The following ARHGAP26 variants were observed in gnomAD, a reference collection of about 807,000 sequenced individuals.
ARHGAP26 encodes the protein rho GTPase-activating protein 26.
In ARHGAP26, 38 loss-of-function variants were observed where a neutral mutation model predicts 104.8. The ratio of observed to expected loss-of-function variants is 0.36; its 90% CI spans 0.28 to 0.48. The LOEUF is 0.48. Ranked by LOEUF, ARHGAP26 falls within the 20% of genes least tolerant of loss-of-function variation. The pLI is 0.99. For missense variants in ARHGAP26, 704 were observed against 947.9 expected (o/e 0.74, Z 3.38); for synonymous variants, 341 against 340.0 (o/e 1.00, Z -0.03).
intron 6 of ARHGAP26, among the ~76,000 whole-genome samples, chr5:142,894,868 A>G (rs1239448742): frequency 6.6e-6 from 1 of 152,244 alleles, no homozygotes; most frequent in African/African-American, 2.4e-5. Context: ...GATTTGTTAT[A>G]AACAGAACAG....
chr5:143,180,293 T>A (rs1409025048), intron 20 of ARHGAP26, among the ~76,000 whole-genome samples: 2 of 151,964 alleles, frequency 1.3e-5, no homozygotes, highest in Non-Finnish European at 2.9e-5. Context: ...ACCCAGCTAA[T>A]TTTTGTATTT....
chr5:143,105,299 C>A (rs1458041824), intron 17 of ARHGAP26, among the ~76,000 whole-genome samples: 1 of 152,028 alleles, frequency 6.6e-6, no homozygotes, highest in East Asian at 1.9e-4. Context: ...ATCGCTTGAA[C>A]CCGGGAGGCG....
chr5:143,118,384 C>T (rs1015791057), intron 17 of ARHGAP26, among the ~76,000 whole-genome samples: 6 of 152,100 alleles, frequency 3.9e-5, no homozygotes, highest in Admixed American at 3.9e-4. Flanking sequence ...TCACTCTGCC[C>T]AGACACCCAG....
At chr5:143,134,242 C>A in intron 19 of ARHGAP26, 137 bp downstream of exon 19, 1 of 1,025,210 alleles carries the variant, frequency 9.8e-7, no homozygotes, top group Non-Finnish European at 1.3e-6. Flanking sequence ...TCATTGTGCC[C>A]TCCCAAGTGC....
intron 20 of ARHGAP26, among the ~76,000 whole-genome samples, chr5:143,173,419 G>A (rs530032149): frequency 6.6e-6 from 1 of 152,188 alleles, no homozygotes; most frequent in Non-Finnish European, 1.5e-5. Context: ...AGTCAGGAGA[G>A]CGGAAAATCA....
intron 19 of ARHGAP26, among the ~76,000 whole-genome samples, chr5:143,146,718 G>A (rs1799201996): frequency 6.6e-6 from 1 of 152,226 alleles, no homozygotes; most frequent in Admixed American, 6.5e-5. Flanking sequence ...TTAGACTGGT[G>A]GAGTCGTAAG....
chr5:142,890,649 A>G (rs552679382), intron 5 of ARHGAP26, among the ~76,000 whole-genome samples: 250 of 152,290 alleles, frequency 1.6e-3, no homozygotes, highest in Admixed American at 2.6e-3. Flanking sequence ...GTAGTAGCCC[A>G]GAGATGATGT....
At chr5:143,136,821 A>G (rs1228616117) in intron 19 of ARHGAP26, among the ~76,000 whole-genome samples, 1 of 152,224 alleles carries the variant, frequency 6.6e-6, no homozygotes, top group Non-Finnish European at 1.5e-5. Context: ...TTATCCTAGC[A>G]CTTTGCTGAA....
intron 11 of ARHGAP26, among the ~76,000 whole-genome samples, chr5:142,994,740 G>C (rs114107301): frequency 6.6e-6 from 1 of 152,150 alleles, no homozygotes; most frequent in Non-Finnish European, 1.5e-5. Flanking sequence ...AATGATTATT[G>C]GCTGCTGTTT....
At chr5:143,087,132 A>C (rs1434712882) in intron 17 of ARHGAP26, among the ~76,000 whole-genome samples, 1 of 152,212 alleles carries the variant, frequency 6.6e-6, no homozygotes, top group Non-Finnish European at 1.5e-5. Flanking sequence ...TTCAGAGTGT[A>C]GTCACTACCT....
rs571817873 is a variant in ARHGAP26 at position 142,931,322 on chromosome 5, C to T, written c.1029-725C>T. 7.9e-5 allele frequency among the ~76,000 whole-genome samples: 12 copies of T among 152,266 alleles called. No individual in the cohort carries two copies. In the East Asian group the frequency reaches 2.1e-3, roughly 27 times the overall value. On this transcript the variant is annotated intron_variant, in intron 10 of 22. Transcript: ENST00000645722. ...CCCAAGGTCGTTTTTATGGCGCAGT[C>T]TCTTTTTCTTGCGGAGTACCATTTG...
chr5:143,092,165 T>C (rs375129594), intron 17 of ARHGAP26, among the ~76,000 whole-genome samples: 1 of 58,960 alleles, frequency 1.7e-5, no homozygotes, highest in Non-Finnish European at 6.8e-5. Context: ...TTTGTTTTTT[T>C]TTTTGTTTTT....
chr5:143,008,772 T>A (rs1778348294), intron 11 of ARHGAP26, among the ~76,000 whole-genome samples: 1 of 152,224 alleles, frequency 6.6e-6, no homozygotes, highest in South Asian at 2.1e-4. Context: ...AATATCTACA[T>A]TTGAAAAACA....
chr5:142,875,251 G>A, intron 3 of ARHGAP26, 80 bp downstream of exon 3: 1 of 1,372,598 alleles, frequency 7.3e-7, no homozygotes, highest in Non-Finnish European at 1.0e-6. Context: ...AGAAGAACTA[G>A]ATTCAAATCC....
intron 11 of ARHGAP26, among the ~76,000 whole-genome samples, chr5:142,952,686 G>A (rs1466499166): frequency 6.6e-6 from 1 of 152,120 alleles, no homozygotes; most frequent in African/African-American, 2.4e-5. Flanking sequence ...GGGTGTTACT[G>A]TATATATTTT....
At chr5:143,089,211 A>C (rs1283551628) in intron 17 of ARHGAP26, among the ~76,000 whole-genome samples, 4 of 152,196 alleles carry the variant, frequency 2.6e-5, no homozygotes, top group Non-Finnish European at 5.9e-5. Context: ...CCAAAAGAAG[A>C]AGCTTCTCTG....
At chr5:143,054,684 A>G (rs896475134) in intron 15 of ARHGAP26, among the ~76,000 whole-genome samples, 158 bp downstream of exon 15, 2 of 152,214 alleles carry the variant, frequency 1.3e-5, no homozygotes, top group Non-Finnish European at 2.9e-5. Context: ...GGTCAAACCA[A>G]TCGTAAATCA....
chr5:142,777,024 G>T (rs1248497399), intron 1 of ARHGAP26, among the ~76,000 whole-genome samples: 1 of 152,196 alleles, frequency 6.6e-6, no homozygotes, highest in Non-Finnish European at 1.5e-5. Flanking sequence ...CAATGAGGAT[G>T]AGCACCTTTT....
At chr5:142,954,684 A>G (rs146355381) in intron 11 of ARHGAP26, among the ~76,000 whole-genome samples, 3 of 152,364 alleles carry the variant, frequency 2.0e-5, no homozygotes, top group Non-Finnish European at 4.4e-5. Context: ...TACATGTTGT[A>G]TAAGCATATG....
Sources: gnomAD v4.1 joint callset for allele counts (sites outside exome capture counted in the v4.1 genomes callset) on GRCh38, gnomAD v4.1.1 for gene constraint, MANE v1.5 for transcripts, NCBI Gene and HGNC (gene_info 2026-07-23, HGNC 2026-07-21) for gene names.